KIF26A: variants seen among roughly 807,000 people sequenced by gnomAD.
KIF26A encodes the protein kinesin-like protein KIF26A.
A neutral mutation model predicts 126.0 loss-of-function variants in KIF26A; 74 were observed. That is an observed-to-expected ratio of 0.59 (90% confidence interval 0.49 to 0.71). The LOEUF is 0.71. Ranked by LOEUF, KIF26A falls within the 30% of genes least tolerant of loss-of-function variation. The pLI, the probability that KIF26A is intolerant of heterozygous loss-of-function variation, is 0.00. For synonymous variants in KIF26A, 1,445 were observed against 1,232.7 expected (o/e 1.17, Z -3.61); for missense variants, 2,984 against 2,763.3 (o/e 1.08, Z -1.79).
rs563229788 is a variant in KIF26A at position 104,177,542 on chromosome 14, C to T, written c.4754C>T (p.Ser1585Leu). Reference protein sequence around the residue: ...APGRGGSSWGSADSDSGHDSG... With the variant: ...APGRGGSSWGLADSDSGHDSG... The stretch of plus-strand genomic sequence containing the variant: ...GGCCGAGGTGGCTCCTCGTGGGGCT[C>T]GGCGGACTCAGACAGCGGCCATGAC... Residue 1585 changes from serine to leucine, a missense_variant, in exon 12 of 15, where the codon TCG becomes TTG. Coordinates refer to ENST00000423312, the MANE Select transcript of KIF26A (RefSeq NM_015656.2). 8.8e-5 allele frequency: 135 copies of T among 1,537,298 alleles called. No homozygotes were observed. The highest frequency in any genetic ancestry group is 6.1e-4 in the South Asian group (51 of 84,018).
intron 13 of KIF26A, 36 bp downstream of exon 13, chr14:104,178,791 G>T: frequency 1.6e-6 from 2 of 1,237,400 alleles, no homozygotes; most frequent in African/African-American, 1.5e-5. Context: ...TATGACCCCT[G>T]GTGGGGAGCC....
chr14:104,166,057 C>G (rs975507024), intron 4 of KIF26A, among the ~76,000 whole-genome samples: 1 of 151,618 alleles, frequency 6.6e-6, no homozygotes, highest in African/African-American at 2.4e-5. Context: ...TCCCCCACCC[C>G]TGGCGGTGCT....
In KIF26A at chr14:104,179,956, C is replaced by T. The variant is rs539141883; in HGVS notation, c.*166C>T. 53 of 728,078 alleles carry T rather than the reference C, an allele frequency of 7.3e-5. No homozygotes were observed. The highest frequency in any genetic ancestry group is 9.8e-5 in the Non-Finnish European group (46 of 467,656). The allele number at this position is 728,078 out of a possible 1,614,324, so 45.1% of individuals were successfully genotyped here. Reference sequence around the variant, plus strand: ...AGTGTGGGGGAGGGAGGGCCGGCCACGCGGTGGACAGAGCGAGGGTGCCAG... The same window carrying T: ...AGTGTGGGGGAGGGAGGGCCGGCCATGCGGTGGACAGAGCGAGGGTGCCAG... On this transcript the variant is annotated 3_prime_UTR_variant, in exon 15 of 15. Coordinates refer to ENST00000423312, the MANE Select transcript of KIF26A (RefSeq NM_015656.2).
rs1185701827 is a variant in KIF26A, at chr14:104,176,155, G to C, written c.3367G>C (p.Asp1123His). Reference sequence around the variant, plus strand: ...CAGCGAGGTCAGCGTCTGCACTGCCGACAGCCGTGACCCCACGCCGCAGCC... The same window carrying C: ...CAGCGAGGTCAGCGTCTGCACTGCCCACAGCCGTGACCCCACGCCGCAGCC... ...WLSEVSVCTA[D>H]SRDPTPQPRF... Residue 1123 changes from aspartate to histidine, a missense_variant, in exon 12 of 15, where the codon GAC becomes CAC. Physicochemically the swap from Asp to His is moderately conservative, Grantham distance 81. Coordinates refer to ENST00000423312, the MANE Select transcript of KIF26A (RefSeq NM_015656.2). 6.3e-6 allele frequency: 10 copies of C among 1,587,950 alleles called. No homozygotes were observed. The highest frequency in any genetic ancestry group is 8.6e-6 in the Non-Finnish European group (10 of 1,168,346).
chr14:104,174,919 G>C, intron 11 of KIF26A, 63 bp from the exon 12 acceptor site: 1 of 1,445,844 alleles, frequency 6.9e-7, no homozygotes, highest in South Asian at 1.4e-5. Context: ...CTCTGGGGAG[G>C]GTCGGGGAAG....
At chr14:104,173,535 C>G in intron 9 of KIF26A, 22 bp downstream of exon 9, 1 of 1,530,702 alleles carries the variant, frequency 6.5e-7, no homozygotes, top group East Asian at 2.3e-5. Context: ...ACCCGCACTC[C>G]CGGGCCCCTG....
intron 2 of KIF26A, among the ~76,000 whole-genome samples, chr14:104,150,218 T>TCCTCCC (rs2037715938): frequency 1.3e-5 from 1 of 75,560 alleles, no homozygotes; most frequent in African/African-American, 3.8e-5. Context: ...CTCCTCCTCC[T>TCCTCCC]CCTCCTCCCC....
rs550530867 is a variant in KIF26A, at chr14:104,151,644, C to A, written c.289-371C>A. Among the ~76,000 whole-genome samples, 64 of 152,312 alleles carry A rather than the reference C, an allele frequency of 4.2e-4. No homozygotes were observed. The highest frequency in any genetic ancestry group is 1.2e-3 in the African/African-American group (48 of 41,564). On this transcript the variant is annotated intron_variant, in intron 2 of 14. Coordinates refer to ENST00000423312, the MANE Select transcript of KIF26A (RefSeq NM_015656.2). The surrounding 1 kb of genome is among the most constrained non-coding windows in gnomAD (Gnocchi z 4.9). ...GGAGGCCCTCGTGGCTCTGAAGAGA[C>A]GTTGCTTTTAAGGGGCCCTGCTTCT... is the stretch of plus-strand genomic sequence containing the variant.
At chr14:104,141,886 C>T (rs995367953) in intron 2 of KIF26A, among the ~76,000 whole-genome samples, 5 of 152,294 alleles carry the variant, frequency 3.3e-5, no homozygotes, top group South Asian at 2.1e-4. Context: ...TCCTGCTCTG[C>T]GACATGGGAC....
chr14:104,165,131 G>A (rs964702419), intron 4 of KIF26A, among the ~76,000 whole-genome samples: 5 of 146,764 alleles, frequency 3.4e-5, no homozygotes, highest in Admixed American at 2.0e-4. Flanking sequence ...GCATGTATAT[G>A]TCTCTGTGTG....
At position 104,151,658 on chromosome 14, in the gene KIF26A, G is replaced by T. The variant is rs1383193514; in HGVS notation, c.289-357G>T. Among the ~76,000 whole-genome samples the T allele has an allele frequency of 2.6e-5, 4 of 152,228 alleles. No homozygotes were observed. The highest frequency in any genetic ancestry group is 1.3e-4 in the Admixed American group (2 of 15,292). ...CTCTGAAGAGACGTTGCTTTTAAGGGGCCCTGCTTCTTGCCAGTCTCCTGC... is the reference window on the plus strand; with the variant it reads ...CTCTGAAGAGACGTTGCTTTTAAGGTGCCCTGCTTCTTGCCAGTCTCCTGC... On this transcript the variant is annotated intron_variant, in intron 2 of 14. Transcript: ENST00000423312. The surrounding 1 kb of genome is among the most constrained non-coding windows in gnomAD (Gnocchi z 4.9).
Position 104,177,728 on chromosome 14 carries a change from G to A in KIF26A, c.4940G>A (p.Arg1647His), listed in dbSNP as rs1406328678. ...GGAGAGCTGCCGCCCGCCATGGGCC[G>A]CACCGCCCTTTTCCACCACAGCGGT... The part of the protein sequence containing the change: ...LSGELPPAMG[R>H]TALFHHSGGS... Residue 1647 changes from arginine (R) to histidine (H), a missense_variant, in exon 12 of 15, where the codon CGC (arginine) becomes CAC (histidine). Transcript: ENST00000423312. 21 of 1,539,346 alleles carry A rather than the reference G, an allele frequency of 1.4e-5. No individual in the cohort carries two copies. The highest frequency in any genetic ancestry group is 2.7e-5 in the African/African-American group (2 of 73,090).
Position 104,177,610 on chromosome 14 carries a change from G to T in KIF26A, c.4822G>T (p.Ala1608Ser), listed in dbSNP as rs2038048466. 2.0e-6 allele frequency: 3 copies of T among 1,528,850 alleles called. No individual in the cohort carries two copies. Among genetic ancestry groups the T allele is most frequent in the Non-Finnish European group, 2.6e-6 (3 of 1,142,672 alleles). The allele number at this position is 1,528,850 out of a possible 1,614,324, so 94.7% of individuals were successfully genotyped here. A position where few individuals can be genotyped will look rare whatever the true frequency, so the allele number is the denominator to read the frequency against. ...VGEERPPTGP[A>S]LPSPYSKVTA... ...GGAGGAGCGGCCACCCACGGGCCCG[G>T]CCCTGCCCTCCCCCTACAGCAAGGT... The change falls in exon 12 of 15, where the codon GCC (alanine) becomes TCC (serine). Residue 1608 changes from alanine to serine, a missense_variant. Ala to Ser is a moderately conservative substitution (Grantham distance 99). Coordinates refer to ENST00000423312, the MANE Select transcript of KIF26A (RefSeq NM_015656.2).
chr14:104,171,820 T>C lies in KIF26A; in HGVS notation c.1211T>C (p.Ile404Thr), dbSNP rs1277989214. The C allele has an allele frequency of 1.9e-6, 3 of 1,561,736 alleles. No homozygotes were observed. The highest frequency in any genetic ancestry group is 2.7e-5 in the African/African-American group (2 of 73,512). The change falls in exon 6 of 15, where the codon ATC (isoleucine) becomes ACC (threonine). Residue 404 changes from isoleucine (I) to threonine (T), a missense_variant. Ile to Thr is a moderately conservative substitution (Grantham distance 89, BLOSUM62 -1). Transcript: ENST00000423312. Reference sequence around the variant, plus strand: ...GTGGACCCTCGGAAGAAGCAGGTGATCCTCTACGATCCCGCCGCCGGTCCC... The same window carrying C: ...GTGGACCCTCGGAAGAAGCAGGTGACCCTCTACGATCCCGCCGCCGGTCCC... ...LKVDPRKKQV[I>T]LYDPAAGPPG...
Position 104,179,700 on chromosome 14 carries a change from G to A in KIF26A, c.5559G>A (p.Leu1853=), listed in dbSNP as rs889273575. 1.5e-5 allele frequency: 24 copies of A among 1,550,436 alleles called. No individual in the cohort carries two copies. Among genetic ancestry groups the A allele is most frequent in the South Asian group, 2.4e-5 (2 of 84,054 alleles). The change falls in exon 15 of 15, where the codon CTG becomes CTA. Residue 1853 remains leucine, a synonymous_variant. Coordinates refer to ENST00000423312, the MANE Select transcript of KIF26A (RefSeq NM_015656.2). ...ATAALEQCVN[L]CKAHVMMVTC... ...CGGCCCTGGAGCAGTGCGTGAACCT[G>A]TGCAAGGCGCACGTCATGATGGTCA... is the stretch of plus-strand genomic sequence containing the variant.
Position 104,175,256 on chromosome 14 carries a change from G to A in KIF26A, c.2468G>A (p.Arg823His), listed in dbSNP as rs772381850. The change falls in exon 12 of 15, where the codon CGC (arginine) becomes CAC (histidine). Residue 823 changes from arginine (R) to histidine (H), a missense_variant. Arg to His is a conservative substitution (Grantham distance 29, BLOSUM62 0). Coordinates refer to ENST00000423312, the MANE Select transcript of KIF26A (RefSeq NM_015656.2). ...DFVPIIPALS[R>H]HRPSKGPRDA... is the part of the protein sequence containing the mutation. Reference sequence around the variant, plus strand: ...GTGCCCATCATCCCTGCCCTGAGCCGCCACCGGCCCTCCAAGGGTCCCCGA... The same window carrying A: ...GTGCCCATCATCCCTGCCCTGAGCCACCACCGGCCCTCCAAGGGTCCCCGA... 7.5e-6 allele frequency: 12 copies of A among 1,607,070 alleles called. No homozygotes were observed. The highest frequency in any genetic ancestry group is 4.5e-5 in the East Asian group (2 of 44,870).
At position 104,179,861 on chromosome 14, in the gene KIF26A, G is replaced by A. The variant is rs1566868300; in HGVS notation, c.*71G>A. ...ACGGGACGTGGGACGGAGCGAGGAT[G>A]TGGTGGGGGCTGCGGGGGGAGGATG... On this transcript the variant is annotated 3_prime_UTR_variant, in exon 15 of 15. Transcript: ENST00000423312. 3 of 1,403,834 alleles carry A rather than the reference G, an allele frequency of 2.1e-6. No individual in the cohort carries two copies. The highest frequency in any genetic ancestry group is 2.8e-6 in the Non-Finnish European group (3 of 1,059,234). 87.0% of individuals were successfully genotyped at this position (1,403,834 alleles called of 1,614,324 possible).
At chr14:104,161,582 C>G (rs2037833099) in intron 4 of KIF26A, among the ~76,000 whole-genome samples, 2 of 152,238 alleles carry the variant, frequency 1.3e-5, no homozygotes, top group African/African-American at 4.8e-5. Flanking sequence ...GGGATTGCAG[C>G]AAGACACCTG....
Position 104,178,535 on chromosome 14 carries a change from G to A in KIF26A, c.5111-15G>A, listed in dbSNP as rs926505096. On this transcript the variant is annotated splice_polypyrimidine_tract_variant and intron_variant, in intron 12 of 14. Coordinates refer to ENST00000423312, the MANE Select transcript of KIF26A (RefSeq NM_015656.2). ...CCCCGCCTCTGTTCACCCTGTGCCCGGCTCTCCGTTCCAGGTCTGCAGCGG... is the reference window on the plus strand; with the variant it reads ...CCCCGCCTCTGTTCACCCTGTGCCCAGCTCTCCGTTCCAGGTCTGCAGCGG... The A allele has an allele frequency of 2.8e-6, 4 of 1,443,066 alleles. No individual in the cohort carries two copies. Among genetic ancestry groups the A allele is most frequent in the Admixed American group, 2.7e-5 (1 of 36,936 alleles). 89.4% of individuals were successfully genotyped at this position (1,443,066 alleles called of 1,614,324 possible).
Sources: allele counts gnomAD v4.1 joint callset (sites outside exome capture counted in the v4.1 genomes callset), GRCh38; gene constraint gnomAD v4.1.1; non-coding constraint Gnocchi (gnomAD v3.1); transcripts MANE v1.5; gene names NCBI Gene and HGNC (gene_info 2026-07-23, HGNC 2026-07-21).